Variants in ATF6 observed in about 807,000 individuals in gnomAD.
The protein encoded by ATF6 is activating transcription factor 6.
A neutral mutation model predicts 83.6 loss-of-function variants in ATF6; 53 were observed. That is an observed-to-expected ratio of 0.63 (90% CI 0.51 to 0.80). ATF6 has a LOEUF of 0.80. Among genes scored for constraint, ATF6 ranks in the 30% least tolerant of loss-of-function variants. ATF6 has a pLI of 0.00. For missense variants in ATF6, 744 were observed against 797.9 expected, an observed-to-expected ratio of 0.93 and a Z score of 0.81; for synonymous variants, 288 against 285.8, an observed-to-expected ratio of 1.01 and a Z score of -0.08.
chr1:161,926,839 G>A (rs1381104894), intron 15 of ATF6, among the ~76,000 whole-genome samples: 2 of 152,118 alleles, frequency 1.3e-5, no homozygotes, highest in South Asian at 2.1e-4. Flanking sequence ...CCTAGAGCAG[G>A]TAAATAAAGT....
At chr1:161,956,874 A>T (rs562208067) in intron 15 of ATF6, among the ~76,000 whole-genome samples, 2 of 152,334 alleles carry the variant, frequency 1.3e-5, no homozygotes, top group African/African-American at 4.8e-5. Flanking sequence ...AATAATTTTT[A>T]ACTCTTGGGG....
chr1:161,812,153 T>G (rs1234488338), intron 7 of ATF6, among the ~76,000 whole-genome samples: 1 of 152,092 alleles, frequency 6.6e-6, no homozygotes, highest in African/African-American at 2.4e-5. Flanking sequence ...ATACTCTCTT[T>G]AAATCTTATA....
In ATF6 at chr1:161,844,603, G is replaced by A. The variant is rs537300872; in HGVS notation, c.1188-1846G>A. Among the ~76,000 whole-genome samples the A allele has an allele frequency of 8.5e-5, 13 of 152,134 alleles. No individual in the cohort carries two copies. The South Asian group carries it at 2.7e-3, about 32-fold the overall frequency. ...CTAATAACAATAGCGGGGTCAGTAG[G>A]GGTTGAATTAATTGAGATTCTCTAA... On this transcript the variant is annotated intron_variant, in intron 9 of 15. Transcript: ENST00000367942.
At chr1:161,872,385 C>G (rs1687140106) in intron 14 of ATF6, among the ~76,000 whole-genome samples, 1 of 151,564 alleles carries the variant, frequency 6.6e-6, no homozygotes, top group African/African-American at 2.4e-5. Context: ...TTCCGTTGAT[C>G]TCTCTTTTCA....
At chr1:161,933,118 A>T (rs1688466242) in intron 15 of ATF6, among the ~76,000 whole-genome samples, 1 of 152,248 alleles carries the variant, frequency 6.6e-6, no homozygotes, top group Admixed American at 6.5e-5. Context: ...TAGAAGGGAA[A>T]TACCAAGGGT....
intron 14 of ATF6, among the ~76,000 whole-genome samples, chr1:161,881,558 C>T (rs1356247291): frequency 6.6e-6 from 1 of 152,140 alleles, no homozygotes; most frequent in East Asian, 1.9e-4. Flanking sequence ...ATGCATAGGG[C>T]AAGCTATGTG....
In ATF6 at chr1:161,789,106, TGG is replaced by T. The variant is rs1401956607; in HGVS notation, c.355-2299_355-2298del. 3.3e-5 allele frequency among the ~76,000 whole-genome samples: 5 copies of T among 152,182 alleles called. No individual in the cohort carries two copies. In the East Asian group the frequency reaches 9.6e-4, roughly 29 times the overall value. ...TGTAAAATAATTAGATCATGGAAAATGGGGTATCCATCCCCTCAAGCATTTAT... is the reference window on the plus strand; with the variant it reads ...TGTAAAATAATTAGATCATGGAAAATGGTATCCATCCCCTCAAGCATTTAT... On this transcript the variant is annotated intron_variant, in intron 4 of 15. Coordinates refer to ENST00000367942, the MANE Select transcript of ATF6 (RefSeq NM_007348.4).
intron 14 of ATF6, among the ~76,000 whole-genome samples, chr1:161,911,780 T>C (rs1687996499): frequency 6.6e-6 from 1 of 152,192 alleles, no homozygotes; most frequent in Admixed American, 6.5e-5. Flanking sequence ...GATAGAAAAT[T>C]CCTGGGATAA....
intron 14 of ATF6, among the ~76,000 whole-genome samples, chr1:161,874,837 A>G (rs1687177813): frequency 6.6e-6 from 1 of 151,744 alleles, no homozygotes; most frequent in Non-Finnish European, 1.5e-5. Context: ...ACAGCCATGT[A>G]GGCAGACATT....
intron 9 of ATF6, among the ~76,000 whole-genome samples, chr1:161,836,916 C>T (rs976015639): frequency 2.6e-5 from 4 of 152,100 alleles, no homozygotes; most frequent in South Asian, 2.1e-4. Flanking sequence ...GAGAAGGGGT[C>T]GGTGAGAAAC....
intron 6 of ATF6, among the ~76,000 whole-genome samples, chr1:161,798,545 G>A (rs1190416619): frequency 6.6e-6 from 1 of 152,188 alleles, no homozygotes; most frequent in African/African-American, 2.4e-5. Context: ...CCAGGAGGCG[G>A]CAGGTGCAGT....
intron 13 of ATF6, among the ~76,000 whole-genome samples, chr1:161,861,059 A>G (rs1025898714): frequency 1.2e-4 from 19 of 152,148 alleles, no homozygotes; most frequent in African/African-American, 4.3e-4. Context: ...GGCTGCACAG[A>G]GTTGATATAA....
chr1:161,870,253 A>G (rs1687094014), intron 14 of ATF6, among the ~76,000 whole-genome samples: 1 of 151,844 alleles, frequency 6.6e-6, no homozygotes, highest in Non-Finnish European at 1.5e-5. Context: ...ATTATAGATT[A>G]AGTACTTTAA....
At chr1:161,784,232 A>G (rs1252183711) in intron 4 of ATF6, 136 bp downstream of exon 4, 28 of 638,436 alleles carry the variant, frequency 4.4e-5, no homozygotes, top group Non-Finnish European at 6.5e-5. Context: ...ACTGAGACTC[A>G]AGAAAGAGCC....
In ATF6 at chr1:161,962,586, T is replaced by G. The variant is rs1426232106; in HGVS notation, c.*3932T>G. The G allele has an allele frequency of 6.6e-6, 1 of 152,248 alleles. No homozygotes were observed. Among genetic ancestry groups the G allele is most frequent in the Admixed American group, 6.5e-5 (1 of 15,288 alleles). The allele number at this position is 152,248 out of a possible 1,614,324, so 9.4% of individuals were successfully genotyped here. A position where few individuals can be genotyped will look rare whatever the true frequency, so the allele number is the denominator to read the frequency against. ...ACATTGCAAAGTTTCAAAGTGACTT[T>G]CACTTTCAACAACATATTAGAAGTA... is the stretch of plus-strand genomic sequence containing the variant. On this transcript the variant is annotated 3_prime_UTR_variant, in exon 16 of 16. Coordinates refer to ENST00000367942, the MANE Select transcript of ATF6 (RefSeq NM_007348.4).
intron 14 of ATF6, among the ~76,000 whole-genome samples, chr1:161,902,409 T>C (rs1354305001): frequency 1.3e-5 from 2 of 152,216 alleles, no homozygotes; most frequent in Non-Finnish European, 2.9e-5. Context: ...CATTTATTCA[T>C]TTGTTGGCTG....
intron 15 of ATF6, among the ~76,000 whole-genome samples, chr1:161,936,900 G>A (rs557171651): frequency 1.1e-4 from 17 of 152,016 alleles, no homozygotes; most frequent in East Asian, 3.9e-4. Context: ...AAGCATATCC[G>A]TCCTTCACAT....
At chr1:161,782,662 A>AT (rs1478526664) in intron 3 of ATF6, among the ~76,000 whole-genome samples, 1 of 152,230 alleles carries the variant, frequency 6.6e-6, no homozygotes, top group African/African-American at 2.4e-5. Flanking sequence ...TAACCAGCAC[A>AT]TTCTCCTATC....
intron 9 of ATF6, among the ~76,000 whole-genome samples, chr1:161,823,446 A>G (rs1045650027): frequency 6.6e-6 from 1 of 152,090 alleles, no homozygotes; most frequent in Non-Finnish European, 1.5e-5. Flanking sequence ...TGCAATCCAA[A>G]ATTTTGAAAA....
Sources: allele counts gnomAD v4.1 joint callset (sites outside exome capture counted in the v4.1 genomes callset), GRCh38; gene constraint gnomAD v4.1.1; transcripts MANE v1.5; gene names NCBI Gene and HGNC (gene_info 2026-07-23, HGNC 2026-07-21).